RGS19: variants seen among roughly 807,000 people sequenced by gnomAD.
RGS19 encodes regulator of G protein signaling 19.
In RGS19, 9 loss-of-function variants were observed where a neutral mutation model predicts 22.0. The ratio of observed to expected loss-of-function variants is 0.41; its 90% CI spans 0.25 to 0.71. RGS19 has a LOEUF of 0.71. RGS19 is among the 30% of genes least tolerant of loss of function. The pLI is 0.32. For synonymous variants in RGS19, 130 were observed against 127.3 expected (o/e 1.02, Z -0.14); for missense variants, 256 against 307.1 (o/e 0.83, Z 1.24).
At chr20:64,076,479 A>T in intron 3 of RGS19, 46 bp downstream of exon 3, 2 of 1,608,126 alleles carry the variant, frequency 1.2e-6, no homozygotes, top group Non-Finnish European at 1.7e-6. Flanking sequence ...GCTTGGCCCC[A>T]TGCCCTCGAC....
At chr20:64,076,493 C>A (rs549754073) in intron 3 of RGS19, 32 bp downstream of exon 3, 2 of 1,611,514 alleles carry the variant, frequency 1.2e-6, no homozygotes, top group Non-Finnish European at 1.7e-6. Flanking sequence ...CCTCGACCCC[C>A]TCGCCAGCTG....
chr20:64,076,205 G>C (rs2145542076), intron 3 of RGS19, among the ~76,000 whole-genome samples: 1 of 152,288 alleles, frequency 6.6e-6, no homozygotes, highest in South Asian at 2.1e-4. Flanking sequence ...TCCACCGCAG[G>C]CCCCCAGGGC....
intron 1 of RGS19, 30 bp from the exon 2 acceptor site, chr20:64,076,984 G>T: frequency 8.3e-7 from 1 of 1,198,826 alleles, no homozygotes; most frequent in Non-Finnish European, 1.1e-6. Context: ...TTCTGACTGA[G>T]AACCTGAAAC....
intron 1 of RGS19, among the ~76,000 whole-genome samples, chr20:64,077,568 C>T (rs1465626112): frequency 6.6e-6 from 1 of 152,202 alleles, no homozygotes; most frequent in African/African-American, 2.4e-5. Flanking sequence ...GTTCTTTGGT[C>T]CTGCTACCTC....
At chr20:64,077,043 T>A in intron 1 of RGS19, 89 bp from the exon 2 acceptor site, 1 of 656,714 alleles carries the variant, frequency 1.5e-6, no homozygotes, top group Non-Finnish European at 2.4e-6. Flanking sequence ...GGTGTCTCCC[T>A]AGCGGGGCCT....
chr20:64,074,513 C>A lies in RGS19; in HGVS notation c.181G>T (p.Ala61Ser), dbSNP rs868817604. ...WNQERRRAWQ[A>S]SRESKLQPLP... The stretch of plus-strand genomic sequence containing the variant: ...GGCTGCAGCTTGCTCTCCCGGGAGG[C>A]CTGCCACGCGCGCCGCCGCTCTTGG... The change falls in exon 4 of 6, where the codon GCC becomes TCC. Residue 61 changes from alanine (A) to serine (S), a missense_variant. Physicochemically the swap from Ala to Ser is moderately conservative, Grantham distance 99 (BLOSUM62 1). Coordinates refer to ENST00000395042, the MANE Select transcript of RGS19 (RefSeq NM_005873.3). 1 of 1,575,010 alleles carries A rather than the reference C, an allele frequency of 6.3e-7. No individual in the cohort carries two copies. Among genetic ancestry groups the A allele is most frequent in the Admixed American group, 1.8e-5 (1 of 54,368 alleles).
rs7508991 is a variant in RGS19, at chr20:64,075,885, C to A, written c.152+640G>T. Among the ~76,000 whole-genome samples the A allele has an allele frequency of 1.2e-5, 1 of 83,260 alleles. No homozygotes were observed. The highest frequency in any genetic ancestry group is 3.4e-4 in the East Asian group (1 of 2,906). The allele number at this position is 83,260 out of a possible 152,430, so 54.6% of individuals were successfully genotyped here. A position where few individuals can be genotyped will look rare whatever the true frequency, so the allele number is the denominator to read the frequency against. ...TGTGCCTGTCTTTCTTTCTTTCTTT[C>A]TTTTTTTTTTTTTGAGACGGAGTTT... On this transcript the variant is annotated intron_variant, in intron 3 of 5. Coordinates refer to ENST00000395042, the MANE Select transcript of RGS19 (RefSeq NM_005873.3). This position sits in a 1 kb window ranked among gnomAD's most constrained non-coding sequence, Gnocchi z 4.6.
intron 1 of RGS19, among the ~76,000 whole-genome samples, chr20:64,077,398 C>T (rs2059914025): frequency 6.6e-6 from 1 of 152,086 alleles, no homozygotes; most frequent in South Asian, 2.1e-4. Flanking sequence ...TGGCTTCCCA[C>T]CAAGAGTCCA....
At chr20:64,076,477 C>A in intron 3 of RGS19, 48 bp downstream of exon 3, 6 of 1,607,258 alleles carry the variant, frequency 3.7e-6, no homozygotes, top group Non-Finnish European at 5.1e-6. Flanking sequence ...CTGCTTGGCC[C>A]CATGCCCTCG....
chr20:64,075,339 G>A lies in RGS19; in HGVS notation c.153-798C>T, dbSNP rs530429202. On this transcript the variant is annotated intron_variant, in intron 3 of 5. Coordinates refer to ENST00000395042, the MANE Select transcript of RGS19 (RefSeq NM_005873.3). This position sits in a 1 kb window ranked among gnomAD's most constrained non-coding sequence, Gnocchi z 4.6. ...CTTCAGGTTCTGGAGCCTGATCCCC[G>A]GTTGTCTCAAGGGAAGCAGCTTCTT... Among the ~76,000 whole-genome samples the A allele has an allele frequency of 5.9e-5, 9 of 152,296 alleles. No homozygotes were observed. The highest frequency in any genetic ancestry group is 3.4e-3 in the Middle Eastern group (1 of 294).
rs1455342258 is a variant in RGS19 at position 64,075,357 on chromosome 20, A to C, written c.153-816T>G. Reference sequence around the variant, plus strand: ...GATCCCCGGTTGTCTCAAGGGAAGCAGCTTCTTTGCCTTGGCTCCTAGCAT... The same window carrying C: ...GATCCCCGGTTGTCTCAAGGGAAGCCGCTTCTTTGCCTTGGCTCCTAGCAT... On this transcript the variant is annotated intron_variant, in intron 3 of 5. Coordinates refer to ENST00000395042, the MANE Select transcript of RGS19 (RefSeq NM_005873.3). The surrounding 1 kb of genome is among the most constrained non-coding windows in gnomAD (Gnocchi z 4.6). Among the ~76,000 whole-genome samples, 1 of 152,198 alleles carries C rather than the reference A, an allele frequency of 6.6e-6. No homozygotes were observed. Among genetic ancestry groups the C allele is most frequent in the Non-Finnish European group, 1.5e-5 (1 of 68,018 alleles).
At chr20:64,074,582 G>A (rs1227458383) in intron 3 of RGS19, 41 bp from the exon 4 acceptor site, 9 of 1,516,570 alleles carry the variant, frequency 5.9e-6, no homozygotes, top group African/African-American at 4.1e-5. Context: ...GGGCACACAC[G>A]CCTCCACGGC....
intron 1 of RGS19, among the ~76,000 whole-genome samples, chr20:64,078,019 C>T (rs2059918150): frequency 6.6e-6 from 1 of 152,192 alleles, no homozygotes; most frequent in Non-Finnish European, 1.5e-5. Context: ...CAACTTGATT[C>T]TACTTTATTT....
chr20:64,076,922 C>G lies in RGS19; in HGVS notation c.-36G>C, dbSNP rs777817308. On this transcript the variant is annotated 5_prime_UTR_variant, in exon 2 of 6. Transcript: ENST00000395042. ...AGGAGGTTGCCCAGGCTCCGTGGTA[C>G]CAGCTCTCAGACCCTCACCACAGCC... 6.7e-7 allele frequency: 1 copy of G among 1,499,984 alleles called. No homozygotes were observed. Among genetic ancestry groups the G allele is most frequent in the East Asian group, 2.4e-5 (1 of 41,132 alleles). 92.9% of individuals were successfully genotyped at this position (1,499,984 alleles called of 1,614,324 possible).
Position 64,075,421 on chromosome 20 carries a change from T to A in RGS19, c.153-880A>T, listed in dbSNP as rs1373522170. 2.0e-5 allele frequency among the ~76,000 whole-genome samples: 3 copies of A among 152,184 alleles called. No individual in the cohort carries two copies. The East Asian group carries it at 5.8e-4, about 29-fold the overall frequency. ...GACCCAAATCCATACCCGGCTGACC[T>A]CTCTCCAGGGCACTTGGATGGCTGG... On this transcript the variant is annotated intron_variant, in intron 3 of 5. Coordinates refer to ENST00000395042, the MANE Select transcript of RGS19 (RefSeq NM_005873.3). This position sits in a 1 kb window ranked among gnomAD's most constrained non-coding sequence, Gnocchi z 4.6.
In RGS19 at chr20:64,073,868, G is replaced by T; in HGVS notation, c.639C>A (p.Ser213=). ...RALLLQGPSQ[S]SSEA is the part of the protein sequence containing the mutation. ...TGGGGGCGGCCTAGGCCTCGGAGGA[G>T]GACTGTGATGGCCCCTGCAGCAGCA... The change falls in exon 6 of 6, where the codon TCC becomes TCA. Residue 213 remains serine, a synonymous_variant. Transcript: ENST00000395042. The T allele has an allele frequency of 6.2e-7, 1 of 1,611,980 alleles. No individual in the cohort carries two copies. Among genetic ancestry groups the T allele is most frequent in the Non-Finnish European group, 8.5e-7 (1 of 1,178,980 alleles).
intron 3 of RGS19, 24 bp from the exon 4 acceptor site, chr20:64,074,565 C>T (rs1160150644): frequency 1.9e-6 from 3 of 1,541,648 alleles, no homozygotes; most frequent in Non-Finnish European, 1.7e-6. Flanking sequence ...GGAAGCAGCG[C>T]TGCCGTGGGC....
In RGS19 at chr20:64,074,490, C is replaced by A; in HGVS notation, c.204G>T (p.Gln68His). Residue 68 changes from glutamine (Q) to histidine (H), a missense_variant, in exon 4 of 6, where the codon CAG (glutamine) becomes CAT (histidine). Physicochemically the swap from Gln to His is conservative, Grantham distance 24. Transcript: ENST00000395042. ...ACCATACTTCACAGCTGGGGAGGGG[C>A]TGCAGCTTGCTCTCCCGGGAGGCCT... ...AWQASRESKL[Q>H]PLPSCEVCAT... The A allele has an allele frequency of 6.3e-7, 1 of 1,583,438 alleles. No individual in the cohort carries two copies. The highest frequency in any genetic ancestry group is 8.6e-7 in the Non-Finnish European group (1 of 1,165,682).
chr20:64,073,639 A>G lies in RGS19; in HGVS notation c.*214T>C. 3.5e-5 allele frequency: 18 copies of G among 510,424 alleles called. 2 individuals carry two copies. In the South Asian group the frequency reaches 4.6e-4, roughly 13 times the overall value. The allele number at this position is 510,424 out of a possible 1,614,324, so 31.6% of individuals were successfully genotyped here. The stretch of plus-strand genomic sequence containing the variant: ...TGAGGGGGCTTCTGGCCCGCCCTGC[A>G]CCTGGAGGCCCGCCCTGCACCTGGA... On this transcript the variant is annotated 3_prime_UTR_variant, in exon 6 of 6. Coordinates refer to ENST00000395042, the MANE Select transcript of RGS19 (RefSeq NM_005873.3).
Sources: allele counts gnomAD v4.1 joint callset (sites outside exome capture counted in the v4.1 genomes callset), GRCh38; gene constraint gnomAD v4.1.1; non-coding constraint Gnocchi (gnomAD v3.1); transcripts MANE v1.5; gene names NCBI Gene and HGNC (gene_info 2026-07-23, HGNC 2026-07-21).